ANKRD24: variants seen among roughly 807,000 people sequenced by gnomAD.
ANKRD24 encodes the protein ankyrin repeat domain-containing protein 24.
In ANKRD24, 109 loss-of-function variants were observed where a neutral mutation model predicts 127.8. That is an observed-to-expected ratio of 0.85 (90% CI 0.73 to 1.00). ANKRD24 has a LOEUF of 1.00. Ranked by LOEUF, ANKRD24 falls within the 50% of genes least tolerant of loss-of-function variation. The pLI, the probability that ANKRD24 is intolerant of heterozygous loss-of-function variation, is 0.00. For missense variants in ANKRD24, 1,648 were observed against 1,570.2 expected (o/e 1.05, Z -0.84); for synonymous variants, 743 against 671.1 (o/e 1.11, Z -1.66).
intron 13 of ANKRD24, 87 bp downstream of exon 13, chr19:4,210,459 C>T (rs910082545): frequency 1.7e-6 from 2 of 1,205,038 alleles, no homozygotes; most frequent in Non-Finnish European, 1.1e-6. Flanking sequence ...CTCCCACCTT[C>T]CCTCCTCCAT....
intron 2 of ANKRD24, among the ~76,000 whole-genome samples, chr19:4,187,941 T>C (rs1968160003): frequency 6.6e-6 from 1 of 152,106 alleles, no homozygotes; most frequent in Non-Finnish European, 1.5e-5. Context: ...GTCTGCTTGA[T>C]GCACAGGCAT....
chr19:4,197,742 T>C (rs1968830922), intron 2 of ANKRD24, among the ~76,000 whole-genome samples: 1 of 151,818 alleles, frequency 6.6e-6, no homozygotes, highest in Non-Finnish European at 1.5e-5. Context: ...AATAAACAAA[T>C]GGGTGAAGGA....
At position 4,186,112 on chromosome 19, in the gene ANKRD24, C is replaced by T. The variant is rs1968046633; in HGVS notation, c.-36-278C>T. On this transcript the variant is annotated intron_variant, in intron 1 of 21. Coordinates refer to ENST00000318934, the MANE Select transcript of ANKRD24 (RefSeq NM_001393985.1). Reference sequence around the variant, plus strand: ...ATTTATGAAGCCCCTCATGTTTGGCCAGGCTCTGTGTAGGGACCATGCTGA... The same window carrying T: ...ATTTATGAAGCCCCTCATGTTTGGCTAGGCTCTGTGTAGGGACCATGCTGA... Among the ~76,000 whole-genome samples the T allele has an allele frequency of 2.6e-5, 4 of 152,166 alleles. No individual in the cohort carries two copies. In the South Asian group the frequency reaches 8.3e-4, roughly 31 times the overall value.
chr19:4,183,194 G>A (rs993786832), intron 1 of ANKRD24, among the ~76,000 whole-genome samples: 11 of 152,056 alleles, frequency 7.2e-5, no homozygotes, highest in Non-Finnish European at 1.6e-4. Flanking sequence ...TGGTCAGGCT[G>A]GTCCCGAACT....
chr19:4,195,751 A>G lies in ANKRD24; in HGVS notation c.37-3932A>G, dbSNP rs771067163. Reference sequence around the variant, plus strand: ...CTCTACTAAAATACAAAAATTCGCTAGGCGTGGTGGCGTGTGCCTGTAATC... The same window carrying G: ...CTCTACTAAAATACAAAAATTCGCTGGGCGTGGTGGCGTGTGCCTGTAATC... On this transcript the variant is annotated intron_variant, in intron 2 of 21. Transcript: ENST00000318934. The surrounding 1 kb of genome is among the most constrained non-coding windows in gnomAD (Gnocchi z 4.2). Among the ~76,000 whole-genome samples the G allele has an allele frequency of 1.7e-4, 26 of 152,122 alleles. No homozygotes were observed. The highest frequency in any genetic ancestry group is 2.5e-4 in the Non-Finnish European group (17 of 68,030).
At chr19:4,213,816 G>C (rs910315024) in intron 15 of ANKRD24, among the ~76,000 whole-genome samples, 5 of 152,176 alleles carry the variant, frequency 3.3e-5, no homozygotes, top group South Asian at 4.2e-4. Context: ...TGTATTTGTA[G>C]TAGAAATGGG....
chr19:4,184,110 G>C (rs1203008019), intron 1 of ANKRD24, among the ~76,000 whole-genome samples: 3 of 152,214 alleles, frequency 2.0e-5, no homozygotes, highest in African/African-American at 7.2e-5. Flanking sequence ...GCCAGAGCCA[G>C]TTGGCCAACA....
Position 4,207,267 on chromosome 19 carries a change from A to G in ANKRD24, c.492A>G (p.Ser164=). Residue 164 remains serine, a synonymous_variant, in exon 8 of 22, where the codon TCA becomes TCG. Coordinates refer to ENST00000318934, the MANE Select transcript of ANKRD24 (RefSeq NM_001393985.1). ...CGGCTGGTGGCTGTCTCTCCTGCTC[A>G]GAGGTGCTCTGCTCCTTTAAGGCAC... ...HAAAGGCLSC[S]EVLCSFKAHL... 6.2e-7 allele frequency: 1 copy of G among 1,613,784 alleles called. No homozygotes were observed. The highest frequency in any genetic ancestry group is 1.3e-5 in the African/African-American group (1 of 74,954).
chr19:4,206,675 ACCTAGAT>A (rs1220436020), intron 7 of ANKRD24, among the ~76,000 whole-genome samples: 1 of 151,980 alleles, frequency 6.6e-6, no homozygotes, highest in East Asian at 1.9e-4. Context: ...CAGTCGGCAG[ACCTAGAT>A]CCTAGATCTG....
In ANKRD24 at chr19:4,224,580, CGGCTTCACTT is replaced by C. The variant is rs1298307681; in HGVS notation, c.*89_*98del. 3.2e-5 allele frequency: 45 copies of C among 1,409,678 alleles called. No homozygotes were observed. Among genetic ancestry groups the C allele is most frequent in the African/African-American group, 7.1e-5 (5 of 70,224 alleles). The allele number at this position is 1,409,678 out of a possible 1,614,324, so 87.3% of individuals were successfully genotyped here. ...ACCCCCCTGCAGGCCCCTTGCAGAC[CGGCTTCACTT>C]GGCTTCACTTGGCCCTATCCAGGCC... On this transcript the variant is annotated 3_prime_UTR_variant, in exon 22 of 22. Transcript: ENST00000318934.
At position 4,202,009 on chromosome 19, in the gene ANKRD24, C is replaced by T; in HGVS notation, c.344-17C>T. 6.2e-7 allele frequency: 1 copy of T among 1,613,274 alleles called. No individual in the cohort carries two copies. The highest frequency in any genetic ancestry group is 8.5e-7 in the Non-Finnish European group (1 of 1,179,328). ...TTGAATAGCTGGAGCTCCAGTAAAT[C>T]TTCTTTCCTTCCCCAGGTTACAATG... On this transcript the variant is annotated splice_polypyrimidine_tract_variant and intron_variant, in intron 5 of 21. Coordinates refer to ENST00000318934, the MANE Select transcript of ANKRD24 (RefSeq NM_001393985.1).
At chr19:4,211,761 G>A (rs1381975564) in intron 13 of ANKRD24, among the ~76,000 whole-genome samples, 1 of 152,120 alleles carries the variant, frequency 6.6e-6, no homozygotes, top group African/African-American at 2.4e-5. Context: ...GTCCAGAATG[G>A]TGCATACTGG....
At position 4,194,529 on chromosome 19, in the gene ANKRD24, C is replaced by T. The variant is rs138897460; in HGVS notation, c.37-5154C>T. Among the ~76,000 whole-genome samples the T allele has an allele frequency of 1.0e-3, 159 of 152,276 alleles. 2 individuals carry two copies. The highest frequency in any genetic ancestry group is 1.6e-3 in the Non-Finnish European group (110 of 68,020). On this transcript the variant is annotated intron_variant, in intron 2 of 21. Transcript: ENST00000318934. Reference sequence around the variant, plus strand: ...TTTTGCTTTTCTCTCCCCCCTCCAACGACTCACACGTGTAAATACCATTCT... The same window carrying T: ...TTTTGCTTTTCTCTCCCCCCTCCAATGACTCACACGTGTAAATACCATTCT...
chr19:4,224,775 C>T lies in ANKRD24; in HGVS notation c.*270C>T, dbSNP rs1970649573. ...TGTGATTCCCTGTGTCCTCCACATC[C>T]AGACGCCAGCCCAGGAATAAAGGCA... On this transcript the variant is annotated 3_prime_UTR_variant, in exon 22 of 22. Coordinates refer to ENST00000318934, the MANE Select transcript of ANKRD24 (RefSeq NM_001393985.1). 1 of 515,084 alleles carries T rather than the reference C, an allele frequency of 1.9e-6. No homozygotes were observed. The highest frequency in any genetic ancestry group is 3.5e-6 in the Non-Finnish European group (1 of 285,204). 31.9% of individuals were successfully genotyped at this position (515,084 alleles called of 1,614,324 possible).
At chr19:4,188,236 C>G (rs1178321404) in intron 2 of ANKRD24, among the ~76,000 whole-genome samples, 1 of 151,944 alleles carries the variant, frequency 6.6e-6, no homozygotes, top group African/African-American at 2.4e-5. Context: ...CACCACCATG[C>G]CCAGCTAATT....
rs1197502663 is a variant in ANKRD24 at position 4,198,831 on chromosome 19, C to A, written c.37-852C>A. 6.6e-6 allele frequency among the ~76,000 whole-genome samples: 1 copy of A among 151,932 alleles called. No individual in the cohort carries two copies. Among genetic ancestry groups the A allele is most frequent in the Non-Finnish European group, 1.5e-5 (1 of 67,998 alleles). ...AAAACATTTTGGAGACAGATGGGGT[C>A]ATTGAGGGGACAACTTGGAAGCTAT... On this transcript the variant is annotated intron_variant, in intron 2 of 21. Coordinates refer to ENST00000318934, the MANE Select transcript of ANKRD24 (RefSeq NM_001393985.1). The surrounding 1 kb of genome is among the most constrained non-coding windows in gnomAD (Gnocchi z 6.1).
intron 19 of ANKRD24, among the ~76,000 whole-genome samples, chr19:4,220,594 A>G (rs1432417035): frequency 1.3e-5 from 2 of 151,924 alleles, no homozygotes; most frequent in Non-Finnish European, 2.9e-5. Context: ...TTGCTCTGTC[A>G]CCCAGACTGG....
At chr19:4,194,197 C>G (rs1233724493) in intron 2 of ANKRD24, among the ~76,000 whole-genome samples, 1 of 152,198 alleles carries the variant, frequency 6.6e-6, no homozygotes, top group Admixed American at 6.6e-5. Context: ...GAGTCTGGCT[C>G]TGTCACCCAG....
chr19:4,199,676 C>A lies in ANKRD24; in HGVS notation c.37-7C>A. On this transcript the variant is annotated splice_region_variant and splice_polypyrimidine_tract_variant and intron_variant, in intron 2 of 21. Transcript: ENST00000318934. This position sits in a 1 kb window ranked among gnomAD's most constrained non-coding sequence, Gnocchi z 5.2. ...ACCCCCTCGCCCAGGACCACCTCCC[C>A]CTGCAGCTGCGGCTCAGCCCCACTG... 1 of 1,525,272 alleles carries A rather than the reference C, an allele frequency of 6.6e-7. No homozygotes were observed. Among genetic ancestry groups the A allele is most frequent in the Non-Finnish European group, 8.8e-7 (1 of 1,140,388 alleles). The allele number at this position is 1,525,272 out of a possible 1,614,324, so 94.5% of individuals were successfully genotyped here. A position where few individuals can be genotyped will look rare whatever the true frequency, so the allele number is the denominator to read the frequency against.
Sources: allele counts gnomAD v4.1 joint callset (sites outside exome capture counted in the v4.1 genomes callset), GRCh38; gene constraint gnomAD v4.1.1; non-coding constraint Gnocchi (gnomAD v3.1); transcripts MANE v1.5; gene names NCBI Gene and HGNC (gene_info 2026-07-23, HGNC 2026-07-21).